SPTA1: variants seen among roughly 807,000 people sequenced by gnomAD.
The protein encoded by SPTA1 is spectrin alpha chain, erythrocytic 1.
SPTA1 carries 177 observed loss-of-function variants against 324.7 expected under a neutral mutation model. The ratio of observed to expected loss-of-function variants is 0.55; its 90% confidence interval spans 0.48 to 0.62. The LOEUF (loss-of-function observed/expected upper bound fraction) is 0.62, where lower values mean the gene tolerates loss of function less well. Ranked by LOEUF, SPTA1 falls within the 20% of genes least tolerant of loss-of-function variation. SPTA1 has a pLI of 0.00. For missense variants in SPTA1, 3,162 were observed against 2,883.6 expected, an observed-to-expected ratio of 1.10 and a Z score of -2.21; for synonymous variants, 1,195 against 1,041.3, an observed-to-expected ratio of 1.15 and a Z score of -2.84.
chr1:158,646,533 T>C (rs541535950), intron 27 of SPTA1, among the ~76,000 whole-genome samples: 10 of 151,968 alleles, frequency 6.6e-5, no homozygotes, highest in African/African-American at 2.4e-4. Flanking sequence ...CTAATAGCAA[T>C]TAAAAAACAA....
At chr1:158,633,536 C>CT (rs1328773686) in intron 39 of SPTA1, among the ~76,000 whole-genome samples, 1 of 151,580 alleles carries the variant, frequency 6.6e-6, no homozygotes, top group East Asian at 1.9e-4. Flanking sequence ...TGGCAGCCGC[C>CT]TGTAGTCCCA....
At position 158,662,862 on chromosome 1, in the gene SPTA1, T is replaced by C. The variant is rs2101892876; in HGVS notation, c.2304A>G (p.Gln768=). 6.2e-7 allele frequency: 1 copy of C among 1,614,144 alleles called. No individual in the cohort carries two copies. The highest frequency in any genetic ancestry group is 8.5e-7 in the Non-Finnish European group (1 of 1,179,982). The stretch of plus-strand genomic sequence containing the variant: ...CTTCAAATCGGCATACCAAGGACTC[T>C]TGCCTTGCCCTTATATCCTTAGAAT... ...HPDSKDIRAR[Q]ESLVCRFEAL... Residue 768 remains glutamine (Q), a synonymous_variant, in exon 17 of 52, where the codon CAA becomes CAG. Coordinates refer to ENST00000643759, the MANE Select transcript of SPTA1 (RefSeq NM_003126.4).
intron 39 of SPTA1, among the ~76,000 whole-genome samples, chr1:158,632,500 TAG>T (rs1267976901): frequency 6.6e-6 from 1 of 151,998 alleles, no homozygotes; most frequent in African/African-American, 2.4e-5. Flanking sequence ...AATTAGAAAA[TAG>T]AGAGACATTT....
intron 22 of SPTA1, among the ~76,000 whole-genome samples, 173 bp from the exon 23 acceptor site, chr1:158,652,826 G>A (rs867506616): frequency 1.3e-5 from 2 of 152,066 alleles, no homozygotes; most frequent in African/African-American, 4.8e-5. Context: ...CAGCCTTGGG[G>A]GCAAAAAGAT....
chr1:158,631,804 T>C (rs778526677), intron 39 of SPTA1, among the ~76,000 whole-genome samples: 24 of 152,130 alleles, frequency 1.6e-4, no homozygotes, highest in Non-Finnish European at 3.2e-4. Context: ...CCAGTGTTAG[T>C]GAAGATATGC....
Position 158,616,109 on chromosome 1 carries a change from T to A in SPTA1, c.6601-706A>T, listed in dbSNP as rs952375338. 3.9e-5 allele frequency among the ~76,000 whole-genome samples: 6 copies of A among 152,294 alleles called. No homozygotes were observed. In the South Asian group the frequency reaches 1.2e-3, roughly 32 times the overall value. ...AGGTCAAATTTGCCTGACATCTTTT[T>A]TTTAAGTTTCATTTATATATAATAG... On this transcript the variant is annotated intron_variant, in intron 47 of 51. Transcript: ENST00000643759.
Position 158,676,214 on chromosome 1 carries a change from C to T in SPTA1, c.1039G>A (p.Asp347Asn), listed in dbSNP as rs919590438. The T allele has an allele frequency of 1.2e-6, 2 of 1,613,804 alleles. No individual in the cohort carries two copies. The highest frequency in any genetic ancestry group is 3.3e-5 in the Admixed American group (2 of 59,980). The change falls in exon 8 of 52, where the codon GAT becomes AAT. Residue 347 changes from aspartate (D) to asparagine (N), a missense_variant. Asp to Asn is a conservative substitution (Grantham distance 23, BLOSUM62 1). Transcript: ENST00000643759. The stretch of plus-strand genomic sequence containing the variant: ...ATATGCTCCCAGCTGGAGACCAGAT[C>T]TTCTTTCATCTCCTGGATCTGAGGT... ...DAPQIQEMKE[D>N]LVSSWEHIRA...
rs1019567857 is a variant in SPTA1 at position 158,635,770 on chromosome 1, T to A, written c.5432+143A>T. The A allele has an allele frequency of 2.4e-6, 3 of 1,239,172 alleles. No homozygotes were observed. In the African/African-American group the frequency reaches 4.5e-5, roughly 18 times the overall value. The allele number at this position is 1,239,172 out of a possible 1,614,324, so 76.8% of individuals were successfully genotyped here. Reference sequence around the variant, plus strand: ...TATGGAGGAAAGCTTTGTGGTAAACTTGTCATTTGAGAAGGGACTTAAGGA... The same window carrying A: ...TATGGAGGAAAGCTTTGTGGTAAACATGTCATTTGAGAAGGGACTTAAGGA... On this transcript the variant is annotated intron_variant, in intron 38 of 51. Coordinates refer to ENST00000643759, the MANE Select transcript of SPTA1 (RefSeq NM_003126.4).
intron 37 of SPTA1, 143 bp downstream of exon 37, chr1:158,636,498 G>T: frequency 1.0e-6 from 1 of 972,106 alleles, no homozygotes. Flanking sequence ...GAAGAGAAAA[G>T]AATATTTGTA....
rs185393061 is a variant in SPTA1 at position 158,657,435 on chromosome 1, G to A, written c.2805+42C>T. On this transcript the variant is annotated intron_variant, in intron 19 of 51. Transcript: ENST00000643759. ...AACCCTAAATTGATAATTTGGTTGC[G>A]TTTGTTGAGGATTCACAATGTTAAA... 2.9e-4 allele frequency: 454 copies of A among 1,572,246 alleles called. 4 individuals carry two copies. In the East Asian group the frequency reaches 7.7e-3, roughly 27 times the overall value.
intron 20 of SPTA1, among the ~76,000 whole-genome samples, chr1:158,655,790 A>G (rs1166979054): frequency 6.6e-6 from 1 of 152,156 alleles, no homozygotes; most frequent in African/African-American, 2.4e-5. Flanking sequence ...CATGACACCC[A>G]GTTTTGCCCT....
At position 158,631,131 on chromosome 1, in the gene SPTA1, G is replaced by T. The variant is rs73018219; in HGVS notation, c.5566-3408C>A. 5.5e-3 allele frequency among the ~76,000 whole-genome samples: 842 copies of T among 152,252 alleles called. 5 individuals carry two copies. Among genetic ancestry groups the T allele is most frequent in the African/African-American group, 0.019 (800 of 41,550 alleles). ...TACTGGGTATCTACCCAAAGGAAAA[G>T]AAGTCATTTATGAAAAAGACACATG... is the stretch of plus-strand genomic sequence containing the variant. On this transcript the variant is annotated intron_variant, in intron 39 of 51. Coordinates refer to ENST00000643759, the MANE Select transcript of SPTA1 (RefSeq NM_003126.4).
intron 18 of SPTA1, among the ~76,000 whole-genome samples, chr1:158,659,595 A>ATTATTTTTTTTTTTTT (rs1345384278): frequency 1.5e-4 from 10 of 68,716 alleles, no homozygotes; most frequent in Non-Finnish European, 2.0e-4. Context: ...TCTTAGCATT[A>ATTATTTTTTTTTTTTT]TTTTTTTTTT....
chr1:158,637,999 A>C, intron 36 of SPTA1, 34 bp downstream of exon 36: 2 of 1,607,936 alleles, frequency 1.2e-6, no homozygotes, highest in Non-Finnish European at 1.7e-6. Context: ...ACTCGCTTGT[A>C]TTATCCACAC....
rs1418172723 is a variant in SPTA1 at position 158,614,303 on chromosome 1, G to A, written c.6792C>T (p.Asp2264=). 3 of 1,559,872 alleles carry A rather than the reference G, an allele frequency of 1.9e-6. No homozygotes were observed. In the Admixed American group the frequency reaches 5.5e-5, roughly 28 times the overall value. ...GAGTCTCTTCACTCACACCTTTGAT[G>A]TCCCTGAAAGAAAAAAAAAAAACAT... ...HNLEQQIQAK[D]IKGVSEETLK... The change falls in exon 49 of 52, where the codon GAC becomes GAT. Residue 2264 remains aspartate, a synonymous_variant. Coordinates refer to ENST00000643759, the MANE Select transcript of SPTA1 (RefSeq NM_003126.4).
rs1224389082 is a variant in SPTA1, at chr1:158,662,940, C to T, written c.2226G>A (p.Gln742=). ...LESAVAARQD[Q]VDILTDLAAY... is the part of the protein sequence containing the mutation. ...CAGCCAGGTCTGTAAGGATATCCAC[C>T]TGATCCTAAGGGAGAAATAGAATGA... Residue 742 remains glutamine, a synonymous_variant, in exon 17 of 52, where the codon CAG becomes CAA. Coordinates refer to ENST00000643759, the MANE Select transcript of SPTA1 (RefSeq NM_003126.4). 6.2e-7 allele frequency: 1 copy of T among 1,613,966 alleles called. No homozygotes were observed. Among genetic ancestry groups the T allele is most frequent in the South Asian group, 1.1e-5 (1 of 91,078 alleles).
chr1:158,619,816 G>A (rs766640197), intron 44 of SPTA1, among the ~76,000 whole-genome samples: 5 of 152,126 alleles, frequency 3.3e-5, no homozygotes, highest in Non-Finnish European at 7.3e-5. Flanking sequence ...CACTTTTGGA[G>A]GTGTATATAA....
At position 158,624,978 on chromosome 1, in the gene SPTA1, C is replaced by T. The variant is rs191414044; in HGVS notation, c.5910+1168G>A. Among the ~76,000 whole-genome samples, 742 of 152,276 alleles carry T rather than the reference C, an allele frequency of 4.9e-3. 6 individuals are homozygous for T. Among genetic ancestry groups the T allele is most frequent in the African/African-American group, 0.017 (691 of 41,552 alleles). On this transcript the variant is annotated intron_variant, in intron 42 of 51. Coordinates refer to ENST00000643759, the MANE Select transcript of SPTA1 (RefSeq NM_003126.4). ...ATTTTGTCCTGGATCATTTCAATCC[C>T]TGACCAAAAAGTAGGGGTTGGATGG...
intron 39 of SPTA1, 61 bp downstream of exon 39, chr1:158,634,482 C>T: frequency 6.2e-7 from 1 of 1,606,090 alleles, no homozygotes; most frequent in Non-Finnish European, 8.5e-7. Context: ...AAAACACTGA[C>T]TACCCAAGAA....
Sources: allele counts gnomAD v4.1 joint callset (sites outside exome capture counted in the v4.1 genomes callset), GRCh38; gene constraint gnomAD v4.1.1; transcripts MANE v1.5; gene names NCBI Gene and HGNC (gene_info 2026-07-23, HGNC 2026-07-21).